Variants in CLEC16A observed in about 807,000 individuals in gnomAD.
CLEC16A encodes the protein C-type lectin domain containing 16A, also known as protein CLEC16A.
CLEC16A carries 51 observed loss-of-function variants against 109.5 expected under a neutral mutation model. That is an observed-to-expected ratio of 0.47 (90% CI 0.37 to 0.59). The LOEUF is 0.59. Ranked by LOEUF, CLEC16A falls within the 20% of genes least tolerant of loss-of-function variation. CLEC16A has a pLI of 0.00. For missense variants in CLEC16A, 1,339 were observed against 1,394.0 expected (o/e 0.96, Z 0.63); for synonymous variants, 673 against 564.2 (o/e 1.19, Z -2.73).
At chr16:11,167,213 C>G (rs188105381) in intron 23 of CLEC16A, among the ~76,000 whole-genome samples, 32 of 152,302 alleles carry the variant, frequency 2.1e-4, no homozygotes, top group Non-Finnish European at 3.4e-4. Flanking sequence ...CACCAGGCCT[C>G]TGGCACAACA....
At chr16:11,136,521 A>T (rs781134199) in intron 22 of CLEC16A, among the ~76,000 whole-genome samples, 3 of 152,154 alleles carry the variant, frequency 2.0e-5, no homozygotes, top group Non-Finnish European at 4.4e-5. Context: ...GACCCCAGAA[A>T]ATAGGTTCCT....
intron 22 of CLEC16A, among the ~76,000 whole-genome samples, chr16:11,165,303 C>T (rs2068210353): frequency 6.6e-6 from 1 of 150,938 alleles, no homozygotes; most frequent in Admixed American, 6.6e-5. Context: ...CCAGCCTGGG[C>T]AATACAGTGG....
intron 3 of CLEC16A, 70 bp from the exon 4 acceptor site, chr16:10,969,091 C>T: frequency 3.1e-6 from 4 of 1,302,078 alleles, no homozygotes; most frequent in Non-Finnish European, 3.2e-6. Context: ...TTAACGTGGT[C>T]ATCTGCTTGT....
chr16:10,986,927 C>T (rs537731590), intron 10 of CLEC16A, among the ~76,000 whole-genome samples: 3 of 151,904 alleles, frequency 2.0e-5, no homozygotes, highest in South Asian at 2.1e-4. Context: ...GATCTCGGCT[C>T]ACTGCAACCT....
chr16:10,965,706 C>T (rs144539576), intron 3 of CLEC16A, among the ~76,000 whole-genome samples: 41 of 152,286 alleles, frequency 2.7e-4, no homozygotes, highest in African/African-American at 9.1e-4. Context: ...TACAGGCTCC[C>T]GGGTTTATTA....
intron 13 of CLEC16A, chr16:11,027,592 A>G (rs2046484870): frequency 1.3e-6 from 2 of 1,556,522 alleles, no homozygotes; most frequent in Non-Finnish European, 1.8e-6. Flanking sequence ...GACCTCATTC[A>G]TGAAATTGCA....
chr16:11,066,428 C>G (rs1417916800), intron 19 of CLEC16A: 2 of 152,396 alleles, frequency 1.3e-5, no homozygotes, highest in Non-Finnish European at 2.9e-5. Context: ...CTGTCATCAG[C>G]AGGGCTGATC....
intron 23 of CLEC16A, among the ~76,000 whole-genome samples, chr16:11,175,185 C>G (rs1422138789): frequency 2.6e-5 from 4 of 152,214 alleles, no homozygotes; most frequent in African/African-American, 4.8e-5. Flanking sequence ...TGTTAAGGCC[C>G]CACCCTAGGC....
intron 19 of CLEC16A, among the ~76,000 whole-genome samples, chr16:11,095,657 C>G (rs931266663): frequency 2.6e-5 from 4 of 151,920 alleles, no homozygotes; most frequent in African/African-American, 7.3e-5. Flanking sequence ...ACTAAAAATA[C>G]AAAAATTAGC....
At chr16:11,098,623 G>A (rs1042040106) in intron 19 of CLEC16A, among the ~76,000 whole-genome samples, 1 of 152,188 alleles carries the variant, frequency 6.6e-6, no homozygotes, top group Non-Finnish European at 1.5e-5. Flanking sequence ...CAGCCTGGTG[G>A]GGCTGGAGTC....
At chr16:11,059,533 A>G (rs536178657) in intron 18 of CLEC16A, among the ~76,000 whole-genome samples, 1 of 152,318 alleles carries the variant, frequency 6.6e-6, no homozygotes, top group East Asian at 1.9e-4. Flanking sequence ...TGCCTGGGGT[A>G]TGAGGAGGCA....
intron 13 of CLEC16A, among the ~76,000 whole-genome samples, chr16:11,026,685 A>T (rs1407384668): frequency 8.3e-5 from 8 of 96,070 alleles, no homozygotes; most frequent in African/African-American, 2.4e-4. Context: ...CTTCCAATTT[A>T]ATTTACTTTT....
intron 19 of CLEC16A, among the ~76,000 whole-genome samples, chr16:11,106,053 A>C (rs968530854): frequency 6.6e-6 from 1 of 152,194 alleles, no homozygotes; most frequent in Non-Finnish European, 1.5e-5. Flanking sequence ...CATCACACAA[A>C]AGTGATATAA....
chr16:11,008,680 T>G (rs1247390076), intron 11 of CLEC16A, among the ~76,000 whole-genome samples: 2 of 151,806 alleles, frequency 1.3e-5, no homozygotes, highest in Non-Finnish European at 2.9e-5. Context: ...CATTTCTAAG[T>G]GCACATTTCA....
intron 13 of CLEC16A, among the ~76,000 whole-genome samples, chr16:11,037,925 T>G (rs550472312): frequency 4.6e-5 from 7 of 152,294 alleles, no homozygotes; most frequent in African/African-American, 1.7e-4. Flanking sequence ...TTCTTGCCAT[T>G]CAATAAGCCA....
At chr16:11,165,710 C>G (rs1256640746) in intron 22 of CLEC16A, among the ~76,000 whole-genome samples, 1 of 152,272 alleles carries the variant, frequency 6.6e-6, no homozygotes, top group East Asian at 1.9e-4. Context: ...GTCTGAGTGT[C>G]TCCAAGATGA....
intron 20 of CLEC16A, among the ~76,000 whole-genome samples, chr16:11,121,994 G>A (rs1055829806): frequency 7.3e-5 from 11 of 150,632 alleles, no homozygotes; most frequent in African/African-American, 9.8e-5. Context: ...CTCCCAGGTC[G>A]CCCCTCTGCC....
At chr16:11,097,520 T>C (rs945356152) in intron 19 of CLEC16A, among the ~76,000 whole-genome samples, 4 of 152,208 alleles carry the variant, frequency 2.6e-5, no homozygotes, top group Non-Finnish European at 5.9e-5. Context: ...TACTTCCTTC[T>C]TTACCTGAAT....
At chr16:11,082,869 G>A (rs1312819587) in intron 19 of CLEC16A, among the ~76,000 whole-genome samples, 1 of 152,170 alleles carries the variant, frequency 6.6e-6, no homozygotes, top group Admixed American at 6.5e-5. Flanking sequence ...TGGAAATTGT[G>A]GGAGCCCAGC....
Sources: allele counts gnomAD v4.1 joint callset (sites outside exome capture counted in the v4.1 genomes callset), GRCh38; gene constraint gnomAD v4.1.1; transcripts MANE v1.5; gene names NCBI Gene and HGNC (gene_info 2026-07-23, HGNC 2026-07-21).